NLRP7: variants seen among roughly 807,000 people sequenced by gnomAD.
NLRP7 encodes the protein NACHT, LRR and PYD domains-containing protein 7.
A neutral mutation model predicts 85.5 loss-of-function variants in NLRP7; 72 were observed. The observed-to-expected ratio is 0.84, with a 90% confidence interval of 0.70 to 1.02. The LOEUF (loss-of-function observed/expected upper bound fraction) is 1.02. Among genes scored for constraint, NLRP7 ranks in the 50% least tolerant of loss-of-function variants. The pLI is 0.00. For synonymous variants in NLRP7, 550 were observed against 505.2 expected (o/e 1.09, Z -1.19); for missense variants, 1,243 against 1,219.5 (o/e 1.02, Z -0.29).
intron 1 of NLRP7, among the ~76,000 whole-genome samples, chr19:54,944,853 T>C (rs1329689351): frequency 2.0e-5 from 3 of 152,112 alleles, no homozygotes; most frequent in Non-Finnish European, 4.4e-5. Flanking sequence ...TACAGTGAAA[T>C]GATTACCACA....
chr19:54,962,889 A>G (rs922582317), intron 1 of NLRP7, among the ~76,000 whole-genome samples: 10 of 151,986 alleles, frequency 6.6e-5, no homozygotes, highest in African/African-American at 2.4e-4. Flanking sequence ...GTGAGGCACC[A>G]CACTGGGCCC....
intron 9 of NLRP7, 93 bp from the exon 10 acceptor site, chr19:54,927,868 G>A (rs2068514470): frequency 9.2e-7 from 1 of 1,082,540 alleles, no homozygotes; most frequent in Non-Finnish European, 1.4e-6. Flanking sequence ...AAGGCGGGTG[G>A]ATCACTTGAG....
Position 54,927,787 on chromosome 19 carries a change from G to C in NLRP7, c.2810+2712C>G. 6.2e-7 allele frequency: 1 copy of C among 1,612,970 alleles called. No individual in the cohort carries two copies. The highest frequency in any genetic ancestry group is 8.5e-7 in the Non-Finnish European group (1 of 1,179,054). On this transcript the variant is annotated intron_variant, in intron 9 of 9. Coordinates refer to ENST00000340844, the Ensembl canonical transcript of NLRP7. ...AGCAGCTCCAGAGGCTGTTGAGGAAGAACATGGAAATCCACGCATTCACTG... is the reference window on the plus strand; with the variant it reads ...AGCAGCTCCAGAGGCTGTTGAGGAACAACATGGAAATCCACGCATTCACTG...
upstream of NLRP7, among the ~76,000 whole-genome samples, chr19:54,948,438 C>A (rs572134001): frequency 2.0e-5 from 3 of 152,220 alleles, no homozygotes; most frequent in African/African-American, 7.2e-5. Context: ...GTAATCCCAG[C>A]TATTCAGGAG....
intron 6 of NLRP7, among the ~76,000 whole-genome samples, chr19:54,935,235 A>T (rs969581619): frequency 6.6e-6 from 1 of 151,810 alleles, no homozygotes; most frequent in Non-Finnish European, 1.5e-5. Flanking sequence ...GGGGAAAAAA[A>T]AATTTTTTTT....
chr19:54,940,453 T>C, exon 4 of NLRP7: 1 of 1,613,948 alleles, frequency 6.2e-7, no homozygotes, highest in Non-Finnish European at 8.5e-7. Flanking sequence ...AATTTCTCCA[T>C]CCTTCCTTTT....
intron 1 of NLRP7, among the ~76,000 whole-genome samples, chr19:54,942,998 C>CAAT (rs2069299737): frequency 6.6e-6 from 1 of 151,700 alleles, no homozygotes; most frequent in Admixed American, 6.6e-5. Flanking sequence ...AATACAAAAG[C>CAAT]TAGCCAAGTG....
chr19:54,961,107 C>T (rs950945040), intron 1 of NLRP7, among the ~76,000 whole-genome samples: 2 of 152,078 alleles, frequency 1.3e-5, no homozygotes, highest in Non-Finnish European at 2.9e-5. Context: ...GGCATAGTGG[C>T]TCACACCTGT....
rs1033739137 is a variant in NLRP7, at chr19:54,941,849, G to T, written c.-39-99C>A. 25 of 898,028 alleles carry T rather than the reference G, an allele frequency of 2.8e-5. 1 individual carries two copies. The South Asian group carries it at 4.5e-4, about 16-fold the overall frequency. The allele number at this position is 898,028 out of a possible 1,614,324, so 55.6% of individuals were successfully genotyped here. ...AACAAGACTGTTCCTGCTGTACAGT[G>T]AGTGGTAAAATATTCCAAAGACTGA... is the stretch of plus-strand genomic sequence containing the variant. On this transcript the variant is annotated intron_variant, in intron 1 of 9. Transcript: ENST00000340844.
At chr19:54,936,229 G>A (rs2068918353) in intron 6 of NLRP7, 32 bp downstream of exon 6, 4 of 1,600,440 alleles carry the variant, frequency 2.5e-6, no homozygotes, top group East Asian at 2.2e-5. Flanking sequence ...TGGACTCCAG[G>A]TGCTGGGGAG....
upstream of NLRP7, chr19:54,947,557 G>A (rs1161421535): frequency 2.3e-6 from 3 of 1,289,554 alleles, no homozygotes; most frequent in Admixed American, 6.9e-5. Context: ...GGTACGCTAG[G>A]TGGAGAGACA....
upstream of NLRP7, among the ~76,000 whole-genome samples, chr19:54,951,669 T>C (rs558844958): frequency 7.2e-5 from 11 of 152,106 alleles, no homozygotes; most frequent in East Asian, 1.9e-3. Flanking sequence ...CTGGCTGCTG[T>C]GTATCACGTG....
chr19:54,928,967 C>A (rs1391293964), intron 9 of NLRP7, among the ~76,000 whole-genome samples: 1 of 152,044 alleles, frequency 6.6e-6, no homozygotes, highest in African/African-American at 2.4e-5. Flanking sequence ...ATTACAGGAA[C>A]AAGACACCAG....
chr19:54,956,052 A>G (rs894951387), intron 1 of NLRP7, among the ~76,000 whole-genome samples: 2 of 151,930 alleles, frequency 1.3e-5, no homozygotes, highest in African/African-American at 2.4e-5. Context: ...AGGCAGGAGG[A>G]TCACTTGAGA....
At chr19:54,953,585 C>G (rs1178483001) in intron 1 of NLRP7, among the ~76,000 whole-genome samples, 1 of 151,638 alleles carries the variant, frequency 6.6e-6, no homozygotes, top group African/African-American at 2.4e-5. Flanking sequence ...GATTTCATTC[C>G]TGGGGCGCGG....
chr19:54,954,433 G>A (rs1316973276), intron 1 of NLRP7, among the ~76,000 whole-genome samples: 6 of 140,190 alleles, frequency 4.3e-5, no homozygotes, highest in Non-Finnish European at 9.1e-5. Flanking sequence ...GGGAGGCTGA[G>A]GCAGGAGAAT....
At chr19:54,949,639 G>C (rs993733304), upstream of NLRP7, among the ~76,000 whole-genome samples, 2 of 152,060 alleles carry the variant, frequency 1.3e-5, no homozygotes, top group South Asian at 4.1e-4. Context: ...ACAAGTGCGA[G>C]GGACTGGCTG....
In NLRP7 at chr19:54,934,673, G is replaced by A. The variant is rs760088117; in HGVS notation, c.2301-14C>T. ...TGACCTCCCAACCTGTGAAAAGAGT[G>A]GGAAAAGTCATTCTTCTGGGAGGAC... On this transcript the variant is annotated splice_polypyrimidine_tract_variant and intron_variant, in intron 6 of 9. Coordinates refer to ENST00000340844, the Ensembl canonical transcript of NLRP7. The surrounding 1 kb of genome is among the most constrained non-coding windows in gnomAD (Gnocchi z 6.7). 13 of 1,609,438 alleles carry A rather than the reference G, an allele frequency of 8.1e-6. No homozygotes were observed. The highest frequency in any genetic ancestry group is 9.3e-6 in the Non-Finnish European group (11 of 1,177,820).
At position 54,923,663 on chromosome 19, in the gene NLRP7, T is replaced by G. The variant is rs566320701; in HGVS notation, c.*77A>C. On this transcript the variant is annotated 3_prime_UTR_variant, in exon 10 of 10. Transcript: ENST00000340844. ...AGACTCTAGTGTTAACATGTGACCC[T>G]CTGACCTGCATTCATAAGACATCTT... 126 of 1,507,532 alleles carry G rather than the reference T, an allele frequency of 8.4e-5. 2 individuals are homozygous for G. In the African/African-American group the frequency reaches 1.6e-3, roughly 20 times the overall value. The allele number at this position is 1,507,532 out of a possible 1,614,324, so 93.4% of individuals were successfully genotyped here.
Sources: allele counts gnomAD v4.1 joint callset (sites outside exome capture counted in the v4.1 genomes callset), GRCh38; gene constraint gnomAD v4.1.1; non-coding constraint Gnocchi (gnomAD v3.1); transcripts MANE v1.5; gene names NCBI Gene and HGNC (gene_info 2026-07-23, HGNC 2026-07-21).